The following FMN1 variants were observed in gnomAD, a reference collection of about 807,000 sequenced individuals.
FMN1 encodes formin-1.
Under a neutral mutation model 132.4 loss-of-function variants are expected in FMN1, and 110 were observed. The observed-to-expected ratio is 0.83, with a 90% confidence interval of 0.71 to 0.97. The LOEUF (loss-of-function observed/expected upper bound fraction) is 0.97. Ranked by LOEUF, FMN1 falls within the 50% of genes least tolerant of loss-of-function variation. The pLI is 0.00. For missense variants in FMN1, 1,792 were observed against 1,705.3 expected, an observed-to-expected ratio of 1.05 and a Z score of -0.90; for synonymous variants, 722 against 651.7, an observed-to-expected ratio of 1.11 and a Z score of -1.64.
intron 4 of FMN1, among the ~76,000 whole-genome samples, chr15:33,109,116 G>A (rs1328304578): frequency 6.6e-6 from 1 of 152,028 alleles, no homozygotes; most frequent in South Asian, 2.1e-4. Flanking sequence ...AACATACTTG[G>A]TCTAGAGTGT....
chr15:33,068,606 G>A (rs2037857716), intron 5 of FMN1, among the ~76,000 whole-genome samples: 1 of 149,790 alleles, frequency 6.7e-6, no homozygotes, highest in African/African-American at 2.5e-5. Context: ...AACTCTCAAA[G>A]CAGTTAATTT....
At chr15:33,150,207 G>T (rs1964388130) in intron 4 of FMN1, 2 of 985,298 alleles carry the variant, frequency 2.0e-6, no homozygotes, top group African/African-American at 1.7e-5. Context: ...GTAAATGAAA[G>T]CAAGCAAAAC....
chr15:33,122,480 G>A (rs1241665066), intron 4 of FMN1, among the ~76,000 whole-genome samples: 2 of 152,188 alleles, frequency 1.3e-5, no homozygotes, highest in Non-Finnish European at 2.9e-5. Flanking sequence ...TCCTTTTACT[G>A]CTCAGCCCAC....
chr15:33,102,314 T>A (rs2039325115), intron 4 of FMN1, among the ~76,000 whole-genome samples: 1 of 152,120 alleles, frequency 6.6e-6, no homozygotes, highest in Non-Finnish European at 1.5e-5. Flanking sequence ...ATTGTTGAAA[T>A]GAGAAGATGT....
chr15:32,921,200 G>A (rs1236938315), intron 10 of FMN1, among the ~76,000 whole-genome samples: 6 of 152,208 alleles, frequency 3.9e-5, no homozygotes, highest in Non-Finnish European at 7.3e-5. Flanking sequence ...TGACATTTAA[G>A]CTGAAACCTA....
At chr15:33,099,517 G>C (rs1284089381) in intron 4 of FMN1, among the ~76,000 whole-genome samples, 2 of 152,134 alleles carry the variant, frequency 1.3e-5, no homozygotes, top group Non-Finnish European at 2.9e-5. Context: ...ATCAAGATCA[G>C]CAAACTCCTT....
At position 33,146,448 on chromosome 15, in the gene FMN1, G is replaced by A. The variant is rs371533574; in HGVS notation, c.1867+6600C>T. Reference sequence around the variant, plus strand: ...CATCGTTCCAGGACCCCTCAAATCCGTCTGTATCCCATACATCTCTGAATT... The same window carrying A: ...CATCGTTCCAGGACCCCTCAAATCCATCTGTATCCCATACATCTCTGAATT... On this transcript the variant is annotated intron_variant, in intron 4 of 20. Coordinates refer to ENST00000616417, the MANE Select transcript of FMN1 (RefSeq NM_001277313.2). Among the ~76,000 whole-genome samples, 13 of 151,986 alleles carry A rather than the reference G, an allele frequency of 8.6e-5. 1 individual carries two copies. The highest frequency in any genetic ancestry group is 3.1e-4 in the African/African-American group (13 of 41,358).
intron 17 of FMN1, among the ~76,000 whole-genome samples, chr15:32,825,760 A>AT (rs1265606179): frequency 6.6e-6 from 1 of 152,136 alleles, no homozygotes; most frequent in Non-Finnish European, 1.5e-5. Context: ...CCATTCCCCT[A>AT]TTATACAGTT....
chr15:33,141,723 G>A (rs1964017773), intron 4 of FMN1, among the ~76,000 whole-genome samples: 3 of 152,154 alleles, frequency 2.0e-5, no homozygotes, highest in Admixed American at 6.5e-5. Context: ...TTGAGAAGAA[G>A]GTGTAATCTT....
chr15:33,005,437 T>A (rs561712429), intron 7 of FMN1, among the ~76,000 whole-genome samples: 2 of 152,296 alleles, frequency 1.3e-5, no homozygotes, highest in East Asian at 3.9e-4. Flanking sequence ...CACACCTTAG[T>A]CTAACCTGTA....
chr15:33,080,542 C>G (rs1408151035), intron 5 of FMN1, among the ~76,000 whole-genome samples: 4 of 152,170 alleles, frequency 2.6e-5, no homozygotes, highest in Admixed American at 2.6e-4. Context: ...CACCTGACGT[C>G]AGGAGTTCAA....
At chr15:33,007,096 A>G (rs1484046245) in intron 7 of FMN1, among the ~76,000 whole-genome samples, 2 of 152,206 alleles carry the variant, frequency 1.3e-5, no homozygotes, top group Non-Finnish European at 2.9e-5. Context: ...GAGGCAATGT[A>G]TGTGAGACAA....
At chr15:32,927,867 G>C (rs2061001567) in intron 9 of FMN1, among the ~76,000 whole-genome samples, 2 of 152,210 alleles carry the variant, frequency 1.3e-5, no homozygotes, top group African/African-American at 4.8e-5. Flanking sequence ...AGGCTGAACA[G>C]CTGTGCTTTC....
intron 19 of FMN1, among the ~76,000 whole-genome samples, chr15:32,785,605 T>G (rs1311304076): frequency 6.6e-6 from 1 of 152,106 alleles, no homozygotes; most frequent in Non-Finnish European, 1.5e-5. Context: ...GAAAATACAA[T>G]CTGGTAATAC....
At chr15:33,017,821 T>C (rs936536612) in intron 6 of FMN1, among the ~76,000 whole-genome samples, 1 of 152,228 alleles carries the variant, frequency 6.6e-6, no homozygotes, top group Non-Finnish European at 1.5e-5. Flanking sequence ...TCCCAGCACT[T>C]TGGGAGACTG....
rs1158362069 is a variant in FMN1, at chr15:32,771,922, G to C, written c.*2388C>G. 3 of 152,228 alleles carry C rather than the reference G, an allele frequency of 2.0e-5. No individual in the cohort carries two copies. Among genetic ancestry groups the C allele is most frequent in the African/African-American group, 4.8e-5 (2 of 41,454 alleles). The allele number at this position is 152,228 out of a possible 1,614,324, so 9.4% of individuals were successfully genotyped here. A position where few individuals can be genotyped will look rare whatever the true frequency, so the allele number is the denominator to read the frequency against. ...AGCAACGTGGTACATTGGTGGACTTGGGAGGGGGCATCCCAGATACATGAT... is the reference window on the plus strand; with the variant it reads ...AGCAACGTGGTACATTGGTGGACTTCGGAGGGGGCATCCCAGATACATGAT... On this transcript the variant is annotated 3_prime_UTR_variant, in exon 21 of 21. Transcript: ENST00000616417.
chr15:33,122,900 A>C (rs1050907890), intron 4 of FMN1, among the ~76,000 whole-genome samples: 5 of 152,174 alleles, frequency 3.3e-5, no homozygotes, highest in African/African-American at 4.8e-5. Context: ...ACCAACATCT[A>C]TGCAGCATGT....
intron 3 of FMN1, among the ~76,000 whole-genome samples, chr15:33,163,414 C>T (rs1292675458): frequency 1.3e-5 from 2 of 151,884 alleles, no homozygotes; most frequent in East Asian, 3.9e-4. Context: ...CCTGCCTCAG[C>T]CTCCCGAGTA....
intron 16 of FMN1, among the ~76,000 whole-genome samples, chr15:32,865,726 C>T (rs1020548632): frequency 7.9e-5 from 12 of 151,822 alleles, no homozygotes; most frequent in Non-Finnish European, 1.3e-4. Flanking sequence ...ATCCCAGCTA[C>T]TCAGGAGGCT....
Sources: allele counts gnomAD v4.1 joint callset (sites outside exome capture counted in the v4.1 genomes callset), GRCh38; gene constraint gnomAD v4.1.1; transcripts MANE v1.5; gene names NCBI Gene and HGNC (gene_info 2026-07-23, HGNC 2026-07-21).